The following EYS variants were observed in gnomAD, a reference collection of about 807,000 sequenced individuals.
EYS encodes the protein EGF-like photoreceptor maintenance factor, also known as protein eyes shut homolog.
Under a neutral mutation model 282.1 loss-of-function variants are expected in EYS, and 250 were observed. That is an observed-to-expected ratio of 0.89 (90% CI 0.80 to 0.98). The LOEUF (loss-of-function observed/expected upper bound fraction) is 0.98. EYS is among the 50% of genes least tolerant of loss of function. The pLI, the probability that EYS is intolerant of heterozygous loss-of-function variation, is 0.00. For synonymous variants in EYS, 1,355 were observed against 1,282.9 expected (o/e 1.06, Z -1.20); for missense variants, 4,016 against 3,709.0 (o/e 1.08, Z -2.15).
At chr6:64,180,176 C>T (rs1355653751) in intron 31 of EYS, among the ~76,000 whole-genome samples, 1 of 151,978 alleles carries the variant, frequency 6.6e-6, no homozygotes, top group Non-Finnish European at 1.5e-5. Flanking sequence ...AATATTTTTC[C>T]TTGTCAACAA....
chr6:65,154,759 A>T (rs978929999), intron 12 of EYS, among the ~76,000 whole-genome samples: 1 of 151,458 alleles, frequency 6.6e-6, no homozygotes, highest in African/African-American at 2.4e-5. Context: ...CTGAAATATT[A>T]AAAAAATGGA....
chr6:65,647,661 G>C (rs2149816529), intron 1 of EYS, among the ~76,000 whole-genome samples: 1 of 152,188 alleles, frequency 6.6e-6, no homozygotes, highest in African/African-American at 2.4e-5. Flanking sequence ...CAAAGATATT[G>C]TAAATAGATG....
intron 35 of EYS, among the ~76,000 whole-genome samples, chr6:63,944,808 C>T (rs1026434428): frequency 2.6e-5 from 4 of 152,032 alleles, no homozygotes; most frequent in Non-Finnish European, 5.9e-5. Flanking sequence ...GTGGCACACA[C>T]CTGTAATTCC....
At chr6:65,602,917 C>T (rs1159826332) in intron 2 of EYS, among the ~76,000 whole-genome samples, 2 of 151,932 alleles carry the variant, frequency 1.3e-5, no homozygotes, top group Non-Finnish European at 2.9e-5. Flanking sequence ...GTAGCCTTTG[C>T]TCCACTCAAA....
intron 22 of EYS, among the ~76,000 whole-genome samples, chr6:64,757,135 A>C (rs1177550805): frequency 1.3e-5 from 2 of 152,168 alleles, no homozygotes. Context: ...CCTCTTATTC[A>C]CATTTCAACA....
chr6:65,014,994 G>T (rs546030118), intron 13 of EYS, among the ~76,000 whole-genome samples: 3 of 152,112 alleles, frequency 2.0e-5, no homozygotes, highest in Admixed American at 6.6e-5. Flanking sequence ...GAAGATGAAA[G>T]CTGGAGTTTG....
chr6:65,277,097 A>G (rs1015848305), intron 12 of EYS, among the ~76,000 whole-genome samples: 1 of 152,136 alleles, frequency 6.6e-6, no homozygotes, highest in Non-Finnish European at 1.5e-5. Context: ...ACTATTAGAC[A>G]TAAGAAGGTG....
intron 40 of EYS, among the ~76,000 whole-genome samples, chr6:63,765,163 G>C (rs750942279): frequency 1.3e-5 from 2 of 151,950 alleles, no homozygotes; most frequent in Non-Finnish European, 2.9e-5. Flanking sequence ...TTTTTTACAG[G>C]CTAGCTGTCT....
chr6:65,448,787 T>G (rs1343464002), intron 5 of EYS, among the ~76,000 whole-genome samples: 1 of 152,096 alleles, frequency 6.6e-6, no homozygotes, highest in Admixed American at 6.6e-5. Context: ...GTAATTTTAT[T>G]ATGAAAACAA....
chr6:65,382,457 CTGTGTGTGTGTGTGTG>C (rs55949006), intron 8 of EYS, among the ~76,000 whole-genome samples: 14 of 112,018 alleles, frequency 1.2e-4, no homozygotes, highest in Middle Eastern at 4.6e-3. Context: ...CTCCTTTCCT[CTGTGTGTGTGTGTGTG>C]TGTGTGTGTG....
At chr6:65,401,880 G>A (rs1284261987) in intron 7 of EYS, among the ~76,000 whole-genome samples, 4 of 151,878 alleles carry the variant, frequency 2.6e-5, no homozygotes, top group African/African-American at 9.7e-5. Flanking sequence ...CAAGTGTGAA[G>A]AGTATAAATT....
chr6:64,535,532 G>T (rs2149795852), intron 26 of EYS, among the ~76,000 whole-genome samples: 1 of 151,004 alleles, frequency 6.6e-6, no homozygotes, highest in Middle Eastern at 3.4e-3. Context: ...GAGCCCAGGA[G>T]TTTGAGACCA....
At chr6:64,385,229 T>C (rs1304549186) in intron 29 of EYS, among the ~76,000 whole-genome samples, 2 of 152,292 alleles carry the variant, frequency 1.3e-5, no homozygotes, top group East Asian at 3.9e-4. Flanking sequence ...GAGTTCTCTT[T>C]AAGAATTATC....
intron 10 of EYS, among the ~76,000 whole-genome samples, chr6:65,343,491 A>G (rs1225677828): frequency 1.3e-5 from 2 of 151,332 alleles, no homozygotes; most frequent in African/African-American, 2.4e-5. Flanking sequence ...AAAAAATATA[A>G]TCTTAATTTG....
At chr6:64,800,905 C>G (rs1013009967) in intron 22 of EYS, among the ~76,000 whole-genome samples, 1 of 151,880 alleles carries the variant, frequency 6.6e-6, no homozygotes, top group South Asian at 2.1e-4. Flanking sequence ...CACAATTGCA[C>G]GTCAGATTAA....
chr6:64,715,325 C>A (rs1771352748), intron 22 of EYS, among the ~76,000 whole-genome samples: 1 of 151,898 alleles, frequency 6.6e-6, no homozygotes, highest in South Asian at 2.1e-4. Context: ...AATTGCTTTT[C>A]AGTTGTTGTC....
intron 29 of EYS, among the ~76,000 whole-genome samples, chr6:64,365,918 A>G (rs1480284022): frequency 6.6e-6 from 1 of 152,066 alleles, no homozygotes; most frequent in East Asian, 1.9e-4. Flanking sequence ...TGTAATCTGC[A>G]GAAGCACTAA....
chr6:65,297,456 G>T lies in EYS; in HGVS notation c.1767-1337C>A, dbSNP rs1253043701. 2.0e-5 allele frequency among the ~76,000 whole-genome samples: 3 copies of T among 152,048 alleles called. No homozygotes were observed. In the East Asian group the frequency reaches 5.8e-4, roughly 29 times the overall value. On this transcript the variant is annotated intron_variant, in intron 11 of 42. Coordinates refer to ENST00000503581, the MANE Select transcript of EYS (RefSeq NM_001142800.2). ...AAGCCTTTCTTCTTGTAGTTGTAAA[G>T]AACTTAGCCATTTAATGCAATTTGT...
At chr6:64,483,384 G>A (rs776790407) in intron 26 of EYS, among the ~76,000 whole-genome samples, 3 of 151,642 alleles carry the variant, frequency 2.0e-5, no homozygotes, top group African/African-American at 4.8e-5. Context: ...ACTGGGAAAC[G>A]TTGGAGGTGC....
Sources: gnomAD v4.1 joint callset for allele counts (sites outside exome capture counted in the v4.1 genomes callset) on GRCh38, gnomAD v4.1.1 for gene constraint, MANE v1.5 for transcripts, NCBI Gene and HGNC (gene_info 2026-07-23, HGNC 2026-07-21) for gene names.